The following TMEM120A variants were observed in gnomAD, a reference collection of about 807,000 sequenced individuals.
TMEM120A encodes ion channel TACAN.
In TMEM120A, 45 loss-of-function variants were observed where a neutral mutation model predicts 54.3. That is an observed-to-expected ratio of 0.83 (90% CI 0.65 to 1.06). The LOEUF (loss-of-function observed/expected upper bound fraction) is 1.06, where lower values mean the gene tolerates loss of function less well. Among genes scored for constraint, TMEM120A ranks in the 50% least tolerant of loss-of-function variants. TMEM120A has a pLI of 0.00. For synonymous variants in TMEM120A, 204 were observed against 178.5 expected, an observed-to-expected ratio of 1.14 and a Z score of -1.14; for missense variants, 424 against 441.7, an observed-to-expected ratio of 0.96 and a Z score of 0.36.
Position 75,988,237 on chromosome 7 carries a change from G to A in TMEM120A, c.563+15C>T, listed in dbSNP as rs1789628662. On this transcript the variant is annotated intron_variant, in intron 6 of 11. Coordinates refer to ENST00000493111, the MANE Select transcript of TMEM120A (RefSeq NM_031925.3). ...CCATTCCATGCTCCCCTCCCTCAGG[G>A]CCCGCCCTGCCCACCGGGAGCCGTT... 4 of 1,611,610 alleles carry A rather than the reference G, an allele frequency of 2.5e-6. No individual in the cohort carries two copies. Among genetic ancestry groups the A allele is most frequent in the Non-Finnish European group, 3.4e-6 (4 of 1,179,720 alleles).
Position 75,989,102 on chromosome 7 carries a change from A to AG in TMEM120A, c.377+62dup, listed in dbSNP as rs1284035027. 36 of 345,222 alleles carry AG rather than the reference A, an allele frequency of 1.0e-4. 1 individual carries two copies. The East Asian group carries it at 1.6e-3, about 15-fold the overall frequency. The allele number at this position is 345,222 out of a possible 1,614,324, so 21.4% of individuals were successfully genotyped here. A position where few individuals can be genotyped will look rare whatever the true frequency, so the allele number is the denominator to read the frequency against. ...TGGAGGGGTGGAGGTTGAGGGGGGGAGGGGGGTAGGGGGCTAGGGGTGGAG... is the reference window on the plus strand; with the variant it reads ...TGGAGGGGTGGAGGTTGAGGGGGGGAGGGGGGGTAGGGGGCTAGGGGTGGAG... On this transcript the variant is annotated intron_variant, in intron 4 of 11. Transcript: ENST00000493111.
At chr7:75,987,646 G>A in intron 9 of TMEM120A, 44 bp from the exon 10 acceptor site, 2 of 1,604,618 alleles carry the variant, frequency 1.2e-6, no homozygotes, top group African/African-American at 1.3e-5. Flanking sequence ...AGGGACAGAG[G>A]GGACGCTACC....
In TMEM120A at chr7:75,987,160, G is replaced by T. The variant is rs550817219; in HGVS notation, c.*12C>A. On this transcript the variant is annotated 3_prime_UTR_variant, in exon 12 of 12. Coordinates refer to ENST00000493111, the MANE Select transcript of TMEM120A (RefSeq NM_031925.3). ...CAGAAGCCCCTCTGGGCCGGCAGGG[G>T]AAGGCCCAGCCTCAATCCTTCTTGC... 2.5e-6 allele frequency: 4 copies of T among 1,584,870 alleles called. No individual in the cohort carries two copies. The South Asian group carries it at 3.4e-5, about 14-fold the overall frequency.
At position 75,988,501 on chromosome 7, in the gene TMEM120A, G is replaced by C. The variant is rs140919124; in HGVS notation, c.393C>G (p.Asp131Glu). 10 of 1,606,934 alleles carry C rather than the reference G, an allele frequency of 6.2e-6. No homozygotes were observed. In the East Asian group the frequency reaches 2.2e-4, roughly 36 times the overall value. ...GGTAGAGCTTGAACTTCTCATACTC[G>C]TCCTTGTAGGCAAACCTGGGGGGCG... ...LSKQAKFAYKDEYEKFKLYLT... is the reference protein window; with the variant it reads ...LSKQAKFAYKEEYEKFKLYLT... The change falls in exon 5 of 12, where the codon GAC becomes GAG. Residue 131 changes from aspartate to glutamate, a missense_variant. Coordinates refer to ENST00000493111, the MANE Select transcript of TMEM120A (RefSeq NM_031925.3).
At position 75,987,822 on chromosome 7, in the gene TMEM120A, G is replaced by T; in HGVS notation, c.692-12C>A. ...AAACTGCACGAAGCCTGGGCCGGGC[G>T]GAGGACAGAGGAGCAGGGCTGAGCC... On this transcript the variant is annotated splice_polypyrimidine_tract_variant and intron_variant, in intron 8 of 11. Coordinates refer to ENST00000493111, the MANE Select transcript of TMEM120A (RefSeq NM_031925.3). The T allele has an allele frequency of 6.2e-7, 1 of 1,609,514 alleles. No individual in the cohort carries two copies. Among genetic ancestry groups the T allele is most frequent in the South Asian group, 1.1e-5 (1 of 90,470 alleles).
intron 4 of TMEM120A, 100 bp downstream of exon 4, chr7:75,989,065 G>T: frequency 2.6e-6 from 1 of 380,436 alleles, no homozygotes. Context: ...CGGGTTCCGG[G>T]GGAAGGCTGG....
At chr7:75,994,450 C>T (rs782079988) in intron 1 of TMEM120A, 40 bp downstream of exon 1, 36 of 1,531,806 alleles carry the variant, frequency 2.4e-5, no homozygotes, top group Non-Finnish European at 3.2e-5. Flanking sequence ...GCCAGCGAGA[C>T]GCGGCTCGGG....
rs1554562082 is a variant in TMEM120A, at chr7:75,992,491, A to C, written c.148T>G (p.Ser50Ala). 1.9e-6 allele frequency: 3 copies of C among 1,597,798 alleles called. No homozygotes were observed. Among genetic ancestry groups the C allele is most frequent in the Non-Finnish European group, 2.6e-6 (3 of 1,172,560 alleles). Residue 50 changes from serine to alanine, a missense_variant, in exon 2 of 12, where the codon TCC becomes GCC. Coordinates refer to ENST00000493111, the MANE Select transcript of TMEM120A (RefSeq NM_031925.3). ...AGCCGCTTCTTCTGCCGCGTGATGG[A>C]GCTGGTGCAATTGTTCTGAAGTTTG... ...LTKLQNNCTS[S>A]ITRQKKRLQE...
At position 75,992,517 on chromosome 7, in the gene TMEM120A, G is replaced by T. The variant is rs1789886553; in HGVS notation, c.122C>A (p.Thr41Asn). ...RLYRLKLEEL[T>N]KLQNNCTSSI... ...GCTGGTGCAATTGTTCTGAAGTTTG[G>T]TCAGCTCCTCCAGCTTCAGGCGGTA... Residue 41 changes from threonine to asparagine, a missense_variant, in exon 2 of 12, where the codon ACC (threonine) becomes AAC (asparagine). Coordinates refer to ENST00000493111, the MANE Select transcript of TMEM120A (RefSeq NM_031925.3). 1 of 1,590,840 alleles carries T rather than the reference G, an allele frequency of 6.3e-7. No homozygotes were observed. Among genetic ancestry groups the T allele is most frequent in the Non-Finnish European group, 8.6e-7 (1 of 1,169,210 alleles).
At chr7:75,988,579 C>T (rs1208399207) in intron 4 of TMEM120A, 63 bp from the exon 5 acceptor site, 64 of 1,038,028 alleles carry the variant, frequency 6.2e-5, no homozygotes, top group East Asian at 7.5e-5. Context: ...GCCCCCACCC[C>T]GGGAGGGCAG....
Position 75,989,204 on chromosome 7 carries a change from A to G in TMEM120A, c.338T>C (p.Leu113Pro). ...CAGGAGCGTGACGTTGACGTTCCCC[A>G]GAACCAGGCTCAGGTACAATCTAGG... is the stretch of plus-strand genomic sequence containing the variant. ...KKNGLYLSLV[L>P]GNVNVTLLSK... is the part of the protein sequence containing the mutation. Residue 113 changes from leucine to proline, a missense_variant, in exon 4 of 12, where the codon CTG becomes CCG. Leu to Pro is a moderately conservative substitution (Grantham distance 98). Coordinates refer to ENST00000493111, the MANE Select transcript of TMEM120A (RefSeq NM_031925.3). 6.4e-7 allele frequency: 1 copy of G among 1,562,316 alleles called. No homozygotes were observed.
At position 75,994,554 on chromosome 7, in the gene TMEM120A, G is replaced by C. The variant is rs782030674; in HGVS notation, c.17C>G (p.Pro6Arg). The change falls in exon 1 of 12, where the codon CCG (proline) becomes CGG (arginine). Residue 6 changes from proline to arginine, a missense_variant. By Grantham distance (103) the Pro-to-Arg change is moderately radical. Transcript: ENST00000493111. MQPPP[P>R]GPLGDCLRDW... ...CCGCAGGCAGTCGCCCAGCGGGCCC[G>C]GGGGCGGGGGCTGCATGGCTGCAGC... is the stretch of plus-strand genomic sequence containing the variant. The C allele has an allele frequency of 3.2e-6, 5 of 1,549,602 alleles. No homozygotes were observed. The highest frequency in any genetic ancestry group is 4.4e-6 in the Non-Finnish European group (5 of 1,147,890).
rs782372864 is a variant in TMEM120A at position 75,987,085 on chromosome 7, T to TA, written c.*86dup. ...AGGGAGAATAGAAGAGACCCCCTGATACACGCACACTCGAGGGGCGCCTCC... is the reference window on the plus strand; with the variant it reads ...AGGGAGAATAGAAGAGACCCCCTGATAACACGCACACTCGAGGGGCGCCTCC... On this transcript the variant is annotated 3_prime_UTR_variant, in exon 12 of 12. Transcript: ENST00000493111. 5.4e-6 allele frequency: 6 copies of TA among 1,117,774 alleles called. No individual in the cohort carries two copies. The Admixed American group carries it at 1.0e-4, about 19-fold the overall frequency. The allele number at this position is 1,117,774 out of a possible 1,614,324, so 69.2% of individuals were successfully genotyped here.
In TMEM120A at chr7:75,989,568, G is replaced by A. The variant is rs146827799; in HGVS notation, c.318-344C>T. Reference sequence around the variant, plus strand: ...CCCCTGTCCCCGATTGCTCCCCTGTGCGATGGCCACCACCTACCCCCCAGC... The same window carrying A: ...CCCCTGTCCCCGATTGCTCCCCTGTACGATGGCCACCACCTACCCCCCAGC... On this transcript the variant is annotated intron_variant, in intron 3 of 11. Coordinates refer to ENST00000493111, the MANE Select transcript of TMEM120A (RefSeq NM_031925.3). Among the ~76,000 whole-genome samples, 209 of 148,466 alleles carry A rather than the reference G, an allele frequency of 1.4e-3. 4 individuals carry two copies. In the East Asian group the frequency reaches 0.036, roughly 26 times the overall value.
rs181553536 is a variant in TMEM120A, at chr7:75,987,480, C to T, written c.850-52G>A. The T allele has an allele frequency of 1.2e-3, 1,811 of 1,544,512 alleles. 10 individuals carry two copies. Among genetic ancestry groups the T allele is most frequent in the Middle Eastern group, 4.2e-3 (25 of 5,974 alleles). On this transcript the variant is annotated intron_variant, in intron 10 of 11. Coordinates refer to ENST00000493111, the MANE Select transcript of TMEM120A (RefSeq NM_031925.3). ...AGAAGACCCAGTCCCTGCTGGAGCC[C>T]GAAACCGGCGCAGAGGACGGACAGA...
At chr7:75,991,020 C>G (rs1554561717) in intron 3 of TMEM120A, among the ~76,000 whole-genome samples, 1 of 151,930 alleles carries the variant, frequency 6.6e-6, no homozygotes, top group African/African-American at 2.4e-5. Context: ...GATGACCCAA[C>G]TTCCAGGAAG....
rs139541169 is a variant in TMEM120A at position 75,987,650 on chromosome 7, C to T, written c.785-48G>A. 1,015 of 1,603,912 alleles carry T rather than the reference C, an allele frequency of 6.3e-4. 7 individuals are homozygous for T. The Middle Eastern group carries it at 0.019, about 31-fold the overall frequency. ...ACAGGACGGCCAGGGACAGAGGGGA[C>T]GCTACCACTCAGACCCGGGATGGGA... On this transcript the variant is annotated intron_variant, in intron 9 of 11. Coordinates refer to ENST00000493111, the MANE Select transcript of TMEM120A (RefSeq NM_031925.3).
rs782257350 is a variant in TMEM120A, at chr7:75,987,819, G to A, written c.692-9C>T. 8.7e-6 allele frequency: 14 copies of A among 1,610,604 alleles called. No individual in the cohort carries two copies. Among genetic ancestry groups the A allele is most frequent in the African/African-American group, 5.3e-5 (4 of 74,912 alleles). Reference sequence around the variant, plus strand: ...GAGAAACTGCACGAAGCCTGGGCCGGGCGGAGGACAGAGGAGCAGGGCTGA... The same window carrying A: ...GAGAAACTGCACGAAGCCTGGGCCGAGCGGAGGACAGAGGAGCAGGGCTGA... On this transcript the variant is annotated splice_polypyrimidine_tract_variant and intron_variant, in intron 8 of 11. Transcript: ENST00000493111.
intron 2 of TMEM120A, 75 bp from the exon 3 acceptor site, chr7:75,992,335 G>T: frequency 6.4e-7 from 1 of 1,555,114 alleles, no homozygotes; most frequent in Non-Finnish European, 8.8e-7. Context: ...GGGGCAGAAG[G>T]GCAAACAGGG....
Sources: gnomAD v4.1 joint callset for allele counts (sites outside exome capture counted in the v4.1 genomes callset) on GRCh38, gnomAD v4.1.1 for gene constraint, MANE v1.5 for transcripts, NCBI Gene and HGNC (gene_info 2026-07-23, HGNC 2026-07-21) for gene names.